SYT16: variants seen among roughly 807,000 people sequenced by gnomAD.
SYT16 encodes the protein synaptotagmin 16.
A neutral mutation model predicts 61.4 loss-of-function variants in SYT16; 42 were observed. The observed-to-expected ratio is 0.68, with a 90% CI of 0.53 to 0.89. SYT16 has a LOEUF of 0.89. SYT16 is among the 40% of genes least tolerant of loss of function. The pLI is 0.00. For synonymous variants in SYT16, 314 were observed against 302.3 expected (o/e 1.04, Z -0.40); for missense variants, 804 against 807.3 (o/e 1.00, Z 0.05).
At chr14:61,854,571 T>C (rs2046719592) in intron 1 of SYT16, among the ~76,000 whole-genome samples, 1 of 152,252 alleles carries the variant, frequency 6.6e-6, no homozygotes, top group Non-Finnish European at 1.5e-5. Flanking sequence ...GTCACTGCTC[T>C]GGTTTGCCAA....
At chr14:61,865,752 C>A (rs1323688672) in intron 1 of SYT16, among the ~76,000 whole-genome samples, 1 of 151,974 alleles carries the variant, frequency 6.6e-6, no homozygotes, top group Admixed American at 6.5e-5. Flanking sequence ...TGGGAATCAT[C>A]ATTTTTTTTC....
chr14:61,830,485 T>C (rs1255886535), intron 1 of SYT16, among the ~76,000 whole-genome samples: 1 of 152,238 alleles, frequency 6.6e-6, no homozygotes, highest in Non-Finnish European at 1.5e-5. Context: ...ATAGGTGAAC[T>C]GAAACCTGTA....
intron 1 of SYT16, among the ~76,000 whole-genome samples, chr14:61,858,360 A>C (rs1288769086): frequency 6.6e-6 from 1 of 152,122 alleles, no homozygotes; most frequent in Non-Finnish European, 1.5e-5. Flanking sequence ...TATTACATGT[A>C]CAAAAGGAGA....
intron 7 of SYT16, among the ~76,000 whole-genome samples, chr14:62,094,738 G>A (rs2057209232): frequency 6.6e-6 from 1 of 151,994 alleles, no homozygotes; most frequent in Non-Finnish European, 1.5e-5. Flanking sequence ...TTAAACATTG[G>A]AAGACAAGGT....
intron 1 of SYT16, chr14:61,865,329 C>T: frequency 1.4e-6 from 1 of 707,038 alleles, no homozygotes; most frequent in Non-Finnish European, 2.6e-6. Flanking sequence ...GCCTGAAGCT[C>T]TTAGGAGAAG....
rs187223455 is a variant in SYT16 at position 62,093,555 on chromosome 14, G to A, written c.1625-6839G>A. On this transcript the variant is annotated intron_variant, in intron 7 of 7. Coordinates refer to ENST00000683842, the MANE Select transcript of SYT16 (RefSeq NM_001367656.1). ...ACCTAGCTTTATAATATATAAGGAA[G>A]GAAGCCATTAATGACCAATGAATTG... is the stretch of plus-strand genomic sequence containing the variant. Among the ~76,000 whole-genome samples, 183 of 152,054 alleles carry A rather than the reference G, an allele frequency of 1.2e-3. 1 individual carries two copies. The highest frequency in any genetic ancestry group is 4.0e-3 in the African/African-American group (168 of 41,504).
intron 2 of SYT16, among the ~76,000 whole-genome samples, chr14:61,993,266 T>G (rs1595102506): frequency 3.6e-5 from 5 of 138,390 alleles, no homozygotes; most frequent in South Asian, 2.3e-4. Flanking sequence ...CCTGTGGGGG[T>G]GTGGGGGGCA....
intron 3 of SYT16, among the ~76,000 whole-genome samples, chr14:62,042,975 C>T (rs2054798220): frequency 6.6e-6 from 1 of 152,102 alleles, no homozygotes; most frequent in Non-Finnish European, 1.5e-5. Context: ...ATTGTTTATG[C>T]CCCCATCTTT....
chr14:61,967,859 A>G (rs1254183936), intron 1 of SYT16, among the ~76,000 whole-genome samples: 4 of 152,202 alleles, frequency 2.6e-5, no homozygotes, highest in Non-Finnish European at 5.9e-5. Context: ...ACATTTCAGA[A>G]TGATTGTTCT....
At chr14:62,025,609 AATTT>A (rs2054073263) in intron 3 of SYT16, among the ~76,000 whole-genome samples, 1 of 152,132 alleles carries the variant, frequency 6.6e-6, no homozygotes, top group African/African-American at 2.4e-5. Flanking sequence ...AATGCAGTCC[AATTT>A]ATTATTTATT....
intron 2 of SYT16, among the ~76,000 whole-genome samples, chr14:61,985,848 A>G (rs954605625): frequency 6.6e-6 from 1 of 152,136 alleles, no homozygotes; most frequent in Non-Finnish European, 1.5e-5. Context: ...AGATGCTACA[A>G]TTTGTGATAT....
intron 1 of SYT16, among the ~76,000 whole-genome samples, chr14:61,916,890 G>T (rs750505780): frequency 1.3e-5 from 2 of 152,026 alleles, no homozygotes; most frequent in Admixed American, 6.6e-5. Flanking sequence ...GTGACCTCCA[G>T]TTCCATCTAG....
chr14:61,820,404 C>G (rs1247121503), intron 1 of SYT16, among the ~76,000 whole-genome samples: 1 of 150,962 alleles, frequency 6.6e-6, no homozygotes, highest in Non-Finnish European at 1.5e-5. Context: ...TGGCCTACCC[C>G]TCTCAGGAAT....
chr14:62,079,903 G>A (rs1204076094), intron 5 of SYT16, among the ~76,000 whole-genome samples: 3 of 152,160 alleles, frequency 2.0e-5, no homozygotes, highest in Non-Finnish European at 4.4e-5. Context: ...GTGTGTTTGA[G>A]AATAGGTAGC....
At chr14:61,865,023 G>T in intron 1 of SYT16, 3 of 1,415,874 alleles carry the variant, frequency 2.1e-6, no homozygotes, top group Non-Finnish European at 3.0e-6. Flanking sequence ...GCCCTGAGAG[G>T]GCATTTCTGC....
At chr14:61,920,803 C>T (rs1238778664) in intron 1 of SYT16, among the ~76,000 whole-genome samples, 5 of 152,152 alleles carry the variant, frequency 3.3e-5, no homozygotes, top group African/African-American at 9.7e-5. Context: ...ATAACACCGT[C>T]GTGAATTAGA....
chr14:61,931,755 T>C (rs1164061515), intron 1 of SYT16, among the ~76,000 whole-genome samples: 1 of 152,240 alleles, frequency 6.6e-6, no homozygotes, highest in Non-Finnish European at 1.5e-5. Flanking sequence ...AGAATAAATT[T>C]TTTTTTAAAT....
At position 62,084,391 on chromosome 14, in the gene SYT16, T is replaced by C; in HGVS notation, c.1624+6T>C. ...CGCTGTTAACCGAGCACCTGGTAAG[T>C]GTGAGTCTGTTCTCCCAGCTCTGGT... On this transcript the variant is annotated splice_donor_region_variant and intron_variant, in intron 7 of 7. Transcript: ENST00000683842. 6.2e-7 allele frequency: 1 copy of C among 1,609,448 alleles called. No homozygotes were observed. The highest frequency in any genetic ancestry group is 1.1e-5 in the South Asian group (1 of 90,634).
chr14:61,860,618 T>C (rs989829280), intron 1 of SYT16, among the ~76,000 whole-genome samples: 9 of 152,194 alleles, frequency 5.9e-5, no homozygotes, highest in Non-Finnish European at 8.8e-5. Context: ...TATTGGTCTA[T>C]AATAGATTGG....
Sources: allele counts gnomAD v4.1 joint callset (sites outside exome capture counted in the v4.1 genomes callset), GRCh38; gene constraint gnomAD v4.1.1; transcripts MANE v1.5; gene names NCBI Gene and HGNC (gene_info 2026-07-23, HGNC 2026-07-21).